The following EPC1 variants were observed in gnomAD, a reference collection of about 807,000 sequenced individuals.
EPC1 encodes the protein enhancer of polycomb homolog 1.
A neutral mutation model predicts 98.4 loss-of-function variants in EPC1; 12 were observed. The observed-to-expected ratio is 0.12, with a 90% CI of 0.08 to 0.20. EPC1 has a LOEUF of 0.20. EPC1 is among the 10% of genes least tolerant of loss of function. The pLI is 1.00. For synonymous variants in EPC1, 357 were observed against 363.9 expected (o/e 0.98, Z 0.21); for missense variants, 729 against 990.5 (o/e 0.74, Z 3.54).
intron 1 of EPC1, among the ~76,000 whole-genome samples, chr10:32,333,560 T>C (rs866234948): frequency 6.6e-6 from 1 of 152,166 alleles, no homozygotes; most frequent in African/African-American, 2.4e-5. Flanking sequence ...AATGCTAACA[T>C]TGAGAAATGC....
At chr10:32,355,865 C>T (rs1839260742) in intron 1 of EPC1, among the ~76,000 whole-genome samples, 1 of 152,142 alleles carries the variant, frequency 6.6e-6, no homozygotes, top group Non-Finnish European at 1.5e-5. Flanking sequence ...CCTGCTTTGG[C>T]CTCCCAAAGT....
rs565207591 is a variant in EPC1, at chr10:32,326,288, T to C, written c.154-20357A>G. Among the ~76,000 whole-genome samples the C allele has an allele frequency of 3.9e-5, 6 of 152,168 alleles. No individual in the cohort carries two copies. In the East Asian group the frequency reaches 7.7e-4, roughly 20 times the overall value. On this transcript the variant is annotated intron_variant, in intron 1 of 13. Transcript: ENST00000319778. ...GGGTTAGGTGCCTAATTCTGGCCAA[T>C]TGTAAGTCAAAGTGACCTATATGAC...
chr10:32,321,240 C>T (rs1836893556), intron 1 of EPC1, among the ~76,000 whole-genome samples: 1 of 152,142 alleles, frequency 6.6e-6, no homozygotes, highest in Non-Finnish European at 1.5e-5. Context: ...TGCTTTTGCC[C>T]TTCACCAAGA....
intron 1 of EPC1, among the ~76,000 whole-genome samples, chr10:32,359,028 G>T (rs894105392): frequency 1.3e-5 from 2 of 152,092 alleles, no homozygotes; most frequent in African/African-American, 4.8e-5. Context: ...CTGATGCTTA[G>T]CACAGTATTT....
chr10:32,378,668 G>A, exon 1 of EPC1: 1 of 479,002 alleles, frequency 2.1e-6, no homozygotes. Flanking sequence ...CGAATGGGGT[G>A]GCTTCCCCCA....
chr10:32,322,186 G>A (rs1592595388), intron 1 of EPC1, among the ~76,000 whole-genome samples: 1 of 151,240 alleles, frequency 6.6e-6, no homozygotes, highest in Non-Finnish European at 1.5e-5. Context: ...ATGTATCGCA[G>A]TTCGCAGTAA....
intron 10 of EPC1, chr10:32,282,920 TATAA>T (rs1005134156): frequency 3.3e-5 from 5 of 152,140 alleles, no homozygotes; most frequent in East Asian, 3.9e-4. Flanking sequence ...ATACTAACAC[TATAA>T]GTAAGTCTTT....
upstream of EPC1, among the ~76,000 whole-genome samples, chr10:32,350,501 C>T (rs150283303): frequency 2.4e-4 from 37 of 152,262 alleles, no homozygotes; most frequent in Non-Finnish European, 4.6e-4. Flanking sequence ...CATGGGGGAA[C>T]GCAACTGTAT....
At position 32,291,245 on chromosome 10, in the gene EPC1, G is replaced by C; in HGVS notation, c.893C>G (p.Ala298Gly). 6.2e-7 allele frequency: 1 copy of C among 1,613,764 alleles called. No individual in the cohort carries two copies. The highest frequency in any genetic ancestry group is 8.5e-7 in the Non-Finnish European group (1 of 1,179,764). The change falls in exon 6 of 14, where the codon GCC becomes GGC. Residue 298 changes from alanine to glycine, a missense_variant. Transcript: ENST00000319778. Reference protein sequence around the residue: ...AQRQPMKPTYAIPIIPITNSS... With the variant: ...AQRQPMKPTYGIPIIPITNSS... ...ATTAGTAATAGGGATGATGGGGATG[G>C]CATAAGTAGGTTTCATTGGCTGTCT...
rs753023460 is a variant in EPC1 at position 32,271,571 on chromosome 10, A to C, written c.2352T>G (p.Ser784=). ...CQVSKVPSSS[S]VDSVPRENHE... is the part of the protein sequence containing the mutation. ...CTACTCACCTTGGAACTGAATCTACAGAGGATGAAGATGGGACCTTGGAAA... is the reference window on the plus strand; with the variant it reads ...CTACTCACCTTGGAACTGAATCTACCGAGGATGAAGATGGGACCTTGGAAA... Residue 784 remains serine, a synonymous_variant, in exon 13 of 14, where the codon TCT becomes TCG. Transcript: ENST00000319778. 1.2e-6 allele frequency: 2 copies of C among 1,614,012 alleles called. No homozygotes were observed. Among genetic ancestry groups the C allele is most frequent in the Middle Eastern group, 1.6e-4 (1 of 6,062 alleles).
At chr10:32,296,859 A>T (rs1236618801) in intron 2 of EPC1, among the ~76,000 whole-genome samples, 1 of 151,850 alleles carries the variant, frequency 6.6e-6, no homozygotes, top group East Asian at 1.9e-4. Flanking sequence ...GTGAGCTGAG[A>T]TCGCGCCACT....
intron 1 of EPC1, among the ~76,000 whole-genome samples, chr10:32,357,936 C>T (rs1440564335): frequency 1.3e-5 from 2 of 149,264 alleles, no homozygotes; most frequent in Non-Finnish European, 3.0e-5. Flanking sequence ...CTCACTGCAA[C>T]CTCCACCTCC....
intron 1 of EPC1, among the ~76,000 whole-genome samples, chr10:32,361,501 A>G (rs796867407): frequency 2.6e-5 from 4 of 152,336 alleles, no homozygotes; most frequent in African/African-American, 9.6e-5. Flanking sequence ...GAAAAATAGA[A>G]TAAGTTACGA....
chr10:32,323,200 T>C (rs922519555), intron 1 of EPC1, among the ~76,000 whole-genome samples: 1 of 152,196 alleles, frequency 6.6e-6, no homozygotes, highest in Non-Finnish European at 1.5e-5. Flanking sequence ...CTAAAAATAA[T>C]CTTACAGGTT....
At chr10:32,368,056 TTCTACTTC>T (rs1839648972) in intron 1 of EPC1, among the ~76,000 whole-genome samples, 1 of 152,200 alleles carries the variant, frequency 6.6e-6, no homozygotes, top group African/African-American at 2.4e-5. Flanking sequence ...TTCCAACCTT[TTCTACTTC>T]TCTTTACTCC....
chr10:32,354,294 A>T (rs931964204), intron 1 of EPC1, among the ~76,000 whole-genome samples: 1 of 152,132 alleles, frequency 6.6e-6, no homozygotes, highest in Admixed American at 6.5e-5. Context: ...TGCATGATTC[A>T]ATACAAAAAA....
chr10:32,315,810 G>C (rs1836515895), intron 1 of EPC1, among the ~76,000 whole-genome samples: 1 of 152,146 alleles, frequency 6.6e-6, no homozygotes, highest in African/African-American at 2.4e-5. Context: ...TTCCCTGCCT[G>C]CACCTTCATC....
intron 1 of EPC1, among the ~76,000 whole-genome samples, chr10:32,326,993 T>G: frequency 1.7e-5 from 1 of 57,604 alleles, no homozygotes; most frequent in Admixed American, 2.9e-4. Context: ...ATGGAGAGGG[T>G]CCTCAAAAAA....
At chr10:32,331,061 A>T (rs1230640170) in intron 1 of EPC1, among the ~76,000 whole-genome samples, 2 of 152,194 alleles carry the variant, frequency 1.3e-5, no homozygotes, top group Non-Finnish European at 2.9e-5. Context: ...TTTTCTGTAT[A>T]TTTCAGGGTA....
Sources: allele counts gnomAD v4.1 joint callset (sites outside exome capture counted in the v4.1 genomes callset), GRCh38; gene constraint gnomAD v4.1.1; transcripts MANE v1.5; gene names NCBI Gene and HGNC (gene_info 2026-07-23, HGNC 2026-07-21).